TEK: variants seen among roughly 807,000 people sequenced by gnomAD.
TEK encodes TEK receptor tyrosine kinase, also known as angiopoietin-1 receptor.
TEK carries 43 observed loss-of-function variants against 131.8 expected under a neutral mutation model. That is an observed-to-expected ratio of 0.33 (90% CI 0.26 to 0.42). The LOEUF is 0.42. TEK is among the 10% of genes least tolerant of loss of function. The probability of loss-of-function intolerance (pLI) is 1.00; values close to 1 mark genes in which losing one functional copy is unlikely to be tolerated. For missense variants in TEK, 1,162 were observed against 1,384.4 expected, an observed-to-expected ratio of 0.84 and a Z score of 2.55; for synonymous variants, 580 against 491.6, an observed-to-expected ratio of 1.18 and a Z score of -2.38.
At chr9:27,124,677 C>T (rs888684802) in intron 1 of TEK, among the ~76,000 whole-genome samples, 4 of 152,246 alleles carry the variant, frequency 2.6e-5, no homozygotes, top group Admixed American at 6.5e-5. Flanking sequence ...GTGCAACTCA[C>T]TCGGCTTCAT....
intron 2 of TEK, among the ~76,000 whole-genome samples, chr9:27,163,453 T>G (rs1327204553): frequency 6.6e-6 from 1 of 152,106 alleles, no homozygotes; most frequent in Non-Finnish European, 1.5e-5. Flanking sequence ...AAATGGAAAC[T>G]GATGAATGAG....
rs1470802182 is a variant in TEK at position 27,229,573 on chromosome 9, T to A, written c.*341T>A. The A allele has an allele frequency of 6.3e-6, 2 of 316,672 alleles. No individual in the cohort carries two copies. Among genetic ancestry groups the A allele is most frequent in the Non-Finnish European group, 1.2e-5 (2 of 166,710 alleles). 19.6% of individuals were successfully genotyped at this position (316,672 alleles called of 1,614,324 possible). A position where few individuals can be genotyped will look rare whatever the true frequency, so the allele number is the denominator to read the frequency against. On this transcript the variant is annotated 3_prime_UTR_variant, in exon 23 of 23. Coordinates refer to ENST00000380036, the MANE Select transcript of TEK (RefSeq NM_000459.5). ...CATTGTTGTCCTAGATATTTTGATA[T>A]TTACCTTTATGTTGAATGCTATTAA...
intron 13 of TEK, among the ~76,000 whole-genome samples, chr9:27,203,577 C>T (rs1450481074): frequency 1.3e-5 from 2 of 152,118 alleles, no homozygotes; most frequent in South Asian, 4.1e-4. Flanking sequence ...CCACTAACCC[C>T]AACCCCAGGA....
rs1189792557 is a variant in TEK at position 27,190,672 on chromosome 9, G to T, written c.1471G>T (p.Ala491Ser). Residue 491 changes from alanine to serine, a missense_variant, in exon 10 of 23, where the codon GCT (alanine) becomes TCT (serine). Around this residue, in one of 6 missense-constraint regions of TEK, gnomAD observed 477 missense variants for 471.0 expected, o/e 1.01. Coordinates refer to ENST00000380036, the MANE Select transcript of TEK (RefSeq NM_000459.5). Reference sequence around the variant, plus strand: ...ATACAAACCCGTTAATCACTATGAGGCTTGGCAACATATTCAAGGTAAGCT... The same window carrying T: ...ATACAAACCCGTTAATCACTATGAGTCTTGGCAACATATTCAAGGTAAGCT... ...LLYKPVNHYE[A>S]WQHIQVTNEI... is the part of the protein sequence containing the mutation. 1 of 1,613,900 alleles carries T rather than the reference G, an allele frequency of 6.2e-7. No homozygotes were observed. The highest frequency in any genetic ancestry group is 8.5e-7 in the Non-Finnish European group (1 of 1,179,870).
chr9:27,122,293 G>T (rs1821822995), intron 1 of TEK, among the ~76,000 whole-genome samples: 1 of 152,158 alleles, frequency 6.6e-6, no homozygotes, highest in African/African-American at 2.4e-5. Flanking sequence ...AAACTGGAGT[G>T]AGCAATTCTG....
intron 21 of TEK, among the ~76,000 whole-genome samples, chr9:27,221,777 G>C (rs1253200708): frequency 1.3e-5 from 2 of 152,176 alleles, no homozygotes; most frequent in Non-Finnish European, 2.9e-5. Flanking sequence ...AATCCACGAA[G>C]ATGGAGAGAA....
At chr9:27,227,168 G>T (rs962719614) in intron 21 of TEK, among the ~76,000 whole-genome samples, 9 of 152,112 alleles carry the variant, frequency 5.9e-5, no homozygotes, top group Admixed American at 1.3e-4. Flanking sequence ...TGCACATAAG[G>T]TTCCCCAGAG....
At chr9:27,211,214 T>TATATATATGAATATATGTGC (rs1825612693) in intron 16 of TEK, among the ~76,000 whole-genome samples, 1 of 148,748 alleles carries the variant, frequency 6.7e-6, no homozygotes, top group African/African-American at 2.4e-5. Context: ...AATATATGTG[T>TATATATATGAATATATGTGC]ATATATATGA....
At chr9:27,211,644 A>AT (rs1825635851) in intron 16 of TEK, among the ~76,000 whole-genome samples, 1 of 151,488 alleles carries the variant, frequency 6.6e-6, no homozygotes, top group African/African-American at 2.4e-5. Context: ...TTTTATTTTT[A>AT]TTTTTTGTAG....
At chr9:27,225,230 A>G (rs907869704) in intron 21 of TEK, among the ~76,000 whole-genome samples, 1 of 152,230 alleles carries the variant, frequency 6.6e-6, no homozygotes, top group African/African-American at 2.4e-5. Flanking sequence ...ACAGAATTAG[A>G]TAAAACTGCT....
At chr9:27,203,250 G>T in intron 13 of TEK, 131 bp downstream of exon 13, 1 of 952,040 alleles carries the variant, frequency 1.1e-6, no homozygotes, top group Non-Finnish European at 1.6e-6. Flanking sequence ...TTTACAGAGA[G>T]GTCCTTAATA....
At chr9:27,119,128 G>C (rs1041349999) in intron 1 of TEK, among the ~76,000 whole-genome samples, 2 of 152,116 alleles carry the variant, frequency 1.3e-5, no homozygotes, top group Non-Finnish European at 2.9e-5. Context: ...GAATCATCCT[G>C]ACTGACCACA....
chr9:27,144,156 C>T (rs1252144951), intron 1 of TEK, among the ~76,000 whole-genome samples: 1 of 152,156 alleles, frequency 6.6e-6, no homozygotes, highest in Admixed American at 6.5e-5. Context: ...GTGGTGCATG[C>T]CTGTAGTCCC....
At chr9:27,216,616 A>G (rs1465563709) in intron 18 of TEK, among the ~76,000 whole-genome samples, 1 of 152,244 alleles carries the variant, frequency 6.6e-6, no homozygotes, top group Non-Finnish European at 1.5e-5. Context: ...TGAACCTAAA[A>G]GTACAAAATT....
At chr9:27,131,643 C>CT (rs1330941564) in intron 1 of TEK, among the ~76,000 whole-genome samples, 2 of 148,776 alleles carry the variant, frequency 1.3e-5, no homozygotes, top group Non-Finnish European at 1.5e-5. Flanking sequence ...GACCCCGTCT[C>CT]TTAAAAAAAA....
intron 6 of TEK, among the ~76,000 whole-genome samples, chr9:27,175,234 G>C (rs542807995): frequency 1.3e-5 from 2 of 148,164 alleles, no homozygotes; most frequent in African/African-American, 5.0e-5. Context: ...GAGAACATAC[G>C]GTGTTTGGTT....
At chr9:27,223,321 A>G (rs1826168469) in intron 21 of TEK, among the ~76,000 whole-genome samples, 1 of 152,222 alleles carries the variant, frequency 6.6e-6, no homozygotes, top group South Asian at 2.1e-4. Flanking sequence ...AACAGAATAT[A>G]CATTCTTCTC....
At chr9:27,121,874 C>T (rs566743092) in intron 1 of TEK, among the ~76,000 whole-genome samples, 27 of 152,240 alleles carry the variant, frequency 1.8e-4, no homozygotes, top group African/African-American at 5.8e-4. Flanking sequence ...AAAGAAATAA[C>T]AAAAGCATTT....
intron 9 of TEK, among the ~76,000 whole-genome samples, chr9:27,187,623 C>G (rs1365623874): frequency 6.6e-6 from 1 of 152,122 alleles, no homozygotes; most frequent in Non-Finnish European, 1.5e-5. Context: ...TGCTAGGGTG[C>G]CATAACAAAA....
Sources: allele counts gnomAD v4.1 joint callset (sites outside exome capture counted in the v4.1 genomes callset), GRCh38; gene constraint gnomAD v4.1.1; regional missense constraint gnomAD v4.1.1; transcripts MANE v1.5; gene names NCBI Gene and HGNC (gene_info 2026-07-23, HGNC 2026-07-21).